DYNC2H1: variants seen among roughly 807,000 people sequenced by gnomAD.
DYNC2H1 encodes dynein cytoplasmic 2 heavy chain 1.
In DYNC2H1, 410 loss-of-function variants were observed where a neutral mutation model predicts 570.0. The observed-to-expected ratio is 0.72, with a 90% CI of 0.66 to 0.78. The LOEUF is 0.78. Among genes scored for constraint, DYNC2H1 ranks in the 30% least tolerant of loss-of-function variants. The probability of loss-of-function intolerance (pLI) is 0.00; values close to 1 mark genes in which losing one functional copy is unlikely to be tolerated. For missense variants in DYNC2H1, 4,865 were observed against 5,046.4 expected (o/e 0.96, Z 1.09); for synonymous variants, 1,688 against 1,677.6 (o/e 1.01, Z -0.15).
Position 103,197,959 on chromosome 11 carries a change from C to T in DYNC2H1, c.7735C>T (p.Arg2579Trp), listed in dbSNP as rs775362763. 79 of 1,569,712 alleles carry T rather than the reference C, an allele frequency of 5.0e-5. No homozygotes were observed. Among genetic ancestry groups the T allele is most frequent in the South Asian group, 2.1e-4 (18 of 85,238 alleles). Residue 2579 changes from arginine (R) to tryptophan (W), a missense_variant, in exon 48 of 89, where the codon CGG becomes TGG. Physicochemically the swap from Arg to Trp is moderately radical, Grantham distance 101 (BLOSUM62 -3). Around this residue, in one of 5 missense-constraint regions of DYNC2H1, gnomAD observed 2,401 missense variants for 2,454.6 expected, o/e 0.98. Coordinates refer to ENST00000375735, the MANE Select transcript of DYNC2H1 (RefSeq NM_001377.3). The stretch of plus-strand genomic sequence containing the variant: ...TAGTTTCTACGTTACATGGGGAGCT[C>T]GGCATAATTCAGGAGCAAGGGCAGC... ...SDSFYVTWGARHNSGARAAPG... is the reference protein window; with the variant it reads ...SDSFYVTWGAWHNSGARAAPG...
At chr11:103,141,244 G>A (rs538757070) in intron 17 of DYNC2H1, among the ~76,000 whole-genome samples, 1 of 152,224 alleles carries the variant, frequency 6.6e-6, no homozygotes, top group East Asian at 1.9e-4. Flanking sequence ...TTCCGTTACT[G>A]GTGAGGAACT....
intron 87 of DYNC2H1, among the ~76,000 whole-genome samples, chr11:103,460,389 A>C (rs1944968108): frequency 6.7e-6 from 1 of 149,540 alleles, no homozygotes; most frequent in Non-Finnish European, 1.5e-5. Flanking sequence ...TATTTCCCAA[A>C]GTATATTGAC....
At chr11:103,231,464 G>A in intron 60 of DYNC2H1, 118 bp downstream of exon 60, 1 of 535,572 alleles carries the variant, frequency 1.9e-6, no homozygotes, top group East Asian at 3.1e-5. Context: ...TGATGCTGTG[G>A]GACCCAGTAG....
chr11:103,186,383 A>G lies in DYNC2H1; in HGVS notation c.6775A>G (p.Thr2259Ala), dbSNP rs775902033. Residue 2259 changes from threonine to alanine, a missense_variant, in exon 42 of 89, where the codon ACT (threonine) becomes GCT (alanine). By Grantham distance (58) the Thr-to-Ala change is moderately conservative (BLOSUM62 0). Coordinates refer to ENST00000375735, the MANE Select transcript of DYNC2H1 (RefSeq NM_001377.3). This position sits in a 1 kb window ranked among gnomAD's most constrained non-coding sequence, Gnocchi z 4.5. ...LTADDFSNGL[T>A]LPVIQTPDMQ... ...TGCTGATGATTTCAGTAACGGCTTA[A>G]CTCTTCCAGTCATTCAGACTCCTGA... The G allele has an allele frequency of 6.2e-7, 1 of 1,612,842 alleles. No individual in the cohort carries two copies. Among genetic ancestry groups the G allele is most frequent in the Non-Finnish European group, 8.5e-7 (1 of 1,179,196 alleles).
Position 103,321,111 on chromosome 11 carries a change from C to G in DYNC2H1, c.11808C>G (p.Asp3936Glu), listed in dbSNP as rs754220100. 2 of 1,612,502 alleles carry G rather than the reference C, an allele frequency of 1.2e-6. No homozygotes were observed. The highest frequency in any genetic ancestry group is 8.5e-7 in the Non-Finnish European group (1 of 1,179,220). ...GAGGACGTATAGACAACTATTTTGA[C>G]CTTAGAGTTCTTCAGTCATACCTGA... ...IYGGRIDNYFDLRVLQSYLKQ... is the reference protein window; with the variant it reads ...IYGGRIDNYFELRVLQSYLKQ... Residue 3936 changes from aspartate (D) to glutamate (E), a missense_variant, in exon 81 of 89, where the codon GAC becomes GAG. This residue lies in a region of DYNC2H1 where 2,401 missense variants were observed against 2,454.6 expected (regional missense o/e 0.98). Transcript: ENST00000375735.
chr11:103,399,710 A>T lies in DYNC2H1; in HGVS notation c.12204A>T (p.Gln4068His). ...HQKVPPPNDR[Q>H]GSPILSFIIL... is the part of the protein sequence containing the mutation. ...AAGTGCCTCCTCCTAACGATCGACA[A>T]GGATCTCCAATACTGTCATTCATCA... Residue 4068 changes from glutamine to histidine, a missense_variant, in exon 84 of 89, where the codon CAA becomes CAT. Physicochemically the swap from Gln to His is conservative, Grantham distance 24 (BLOSUM62 0). Coordinates refer to ENST00000375735, the MANE Select transcript of DYNC2H1 (RefSeq NM_001377.3). The T allele has an allele frequency of 1.9e-6, 3 of 1,613,776 alleles. No individual in the cohort carries two copies. Among genetic ancestry groups the T allele is most frequent in the Non-Finnish European group, 2.5e-6 (3 of 1,179,788 alleles).
Position 103,241,616 on chromosome 11 carries a change from G to T in DYNC2H1, c.9820-2077G>T. 1 of 1,325,328 alleles carries T rather than the reference G, an allele frequency of 7.5e-7. No individual in the cohort carries two copies. Among genetic ancestry groups the T allele is most frequent in the Non-Finnish European group, 1.1e-6 (1 of 951,700 alleles). 82.1% of individuals were successfully genotyped at this position (1,325,328 alleles called of 1,614,324 possible). On this transcript the variant is annotated intron_variant, in intron 63 of 88. Transcript: ENST00000375735. The surrounding 1 kb of genome is among the most constrained non-coding windows in gnomAD (Gnocchi z 5.1). ...GGCAAAATGCAGAATTGTGAAATGT[G>T]TGCTATTGAATGCTAGCATAAAATT...
At chr11:103,278,711 C>T (rs536453621) in intron 70 of DYNC2H1, among the ~76,000 whole-genome samples, 7 of 152,198 alleles carry the variant, frequency 4.6e-5, no homozygotes, top group African/African-American at 9.6e-5. Context: ...GAACTATAGG[C>T]GCATGCCATC....
At chr11:103,131,269 A>C (rs187758905) in intron 13 of DYNC2H1, among the ~76,000 whole-genome samples, 1 of 152,254 alleles carries the variant, frequency 6.6e-6, no homozygotes, top group Admixed American at 6.5e-5. Context: ...ATAGTTTACT[A>C]TATAGTTATA....
At chr11:103,202,144 G>A (rs886775151) in intron 50 of DYNC2H1, among the ~76,000 whole-genome samples, 6 of 152,150 alleles carry the variant, frequency 3.9e-5, no homozygotes, top group African/African-American at 1.2e-4. Context: ...TTAAAAAGTT[G>A]AGGGATAATG....
chr11:103,312,464 C>G (rs1333867674), intron 79 of DYNC2H1, among the ~76,000 whole-genome samples: 1 of 141,728 alleles, frequency 7.1e-6, no homozygotes, highest in Non-Finnish European at 1.5e-5. Flanking sequence ...ATTGCTTGAA[C>G]CCAGGAGGCA....
chr11:103,251,231 A>C (rs559062898), intron 65 of DYNC2H1, among the ~76,000 whole-genome samples: 15 of 152,186 alleles, frequency 9.9e-5, no homozygotes, highest in African/African-American at 3.1e-4. Context: ...TGGAAATGTG[A>C]CATCTTTCTA....
At position 103,184,976 on chromosome 11, in the gene DYNC2H1, C is replaced by A. The variant is rs199675558; in HGVS notation, c.6558C>A (p.Asp2186Glu). ...LSHLHGCRDH[D>E]EFIINLIRGL... The stretch of plus-strand genomic sequence containing the variant: ...ATCTACATGGTTGCAGAGATCATGA[C>A]GAATTCATTATTAATCTCATAAGGG... Residue 2186 changes from aspartate to glutamate, a missense_variant, in exon 41 of 89, where the codon GAC (aspartate) becomes GAA (glutamate). Around this residue, in one of 5 missense-constraint regions of DYNC2H1, gnomAD observed 231 missense variants for 310.3 expected, o/e 0.74. Transcript: ENST00000375735. 4.0e-5 allele frequency: 64 copies of A among 1,610,750 alleles called. 1 individual carries two copies. The Middle Eastern group carries it at 6.6e-4, about 17-fold the overall frequency.
chr11:103,408,130 G>C (rs17093843), intron 84 of DYNC2H1: 3,030 of 152,096 alleles, frequency 0.02, 54 homozygotes, highest in Middle Eastern at 0.065. Context: ...CACAAGAGGA[G>C]AGCGATAGAA....
intron 52 of DYNC2H1, among the ~76,000 whole-genome samples, chr11:103,208,977 A>C (rs1347253217): frequency 6.6e-6 from 1 of 152,172 alleles, no homozygotes; most frequent in African/African-American, 2.4e-5. Context: ...ACGTTGATTT[A>C]AAAATATAAG....
chr11:103,118,351 C>CT (rs1286259497), intron 6 of DYNC2H1, among the ~76,000 whole-genome samples: 1 of 150,094 alleles, frequency 6.7e-6, no homozygotes, highest in Non-Finnish European at 1.5e-5. Flanking sequence ...TTATTAGAGA[C>CT]TTTTTTAAAA....
At chr11:103,124,682 C>A (rs940202886) in intron 11 of DYNC2H1, among the ~76,000 whole-genome samples, 1 of 152,030 alleles carries the variant, frequency 6.6e-6, no homozygotes, top group Non-Finnish European at 1.5e-5. Context: ...TCTACTCCTA[C>A]CATTTTGATA....
intron 39 of DYNC2H1, among the ~76,000 whole-genome samples, chr11:103,179,991 T>C (rs1177852099): frequency 6.6e-6 from 1 of 151,744 alleles, no homozygotes; most frequent in Non-Finnish European, 1.5e-5. Context: ...CATATGACAA[T>C]GTAATAAAGT....
Position 103,479,139 on chromosome 11 carries a change from T to C in DYNC2H1, c.12810T>C (p.Pro4270=). 3.1e-6 allele frequency: 5 copies of C among 1,613,858 alleles called. No homozygotes were observed. Among genetic ancestry groups the C allele is most frequent in the Non-Finnish European group, 4.2e-6 (5 of 1,179,768 alleles). ...CTCCGGATGAGTGCATCTCTTTGCC[T>C]GTTTACACAAGTGCTGAAAGGGATC... ...PYSPDECISL[P]VYTSAERDRV... Residue 4270 remains proline (P), a synonymous_variant, in exon 89 of 89, where the codon CCT becomes CCC. Coordinates refer to ENST00000375735, the MANE Select transcript of DYNC2H1 (RefSeq NM_001377.3).
Sources: allele counts gnomAD v4.1 joint callset (sites outside exome capture counted in the v4.1 genomes callset), GRCh38; gene constraint gnomAD v4.1.1; regional missense constraint gnomAD v4.1.1; non-coding constraint Gnocchi (gnomAD v3.1); transcripts MANE v1.5; gene names NCBI Gene and HGNC (gene_info 2026-07-23, HGNC 2026-07-21).